The following TSPEAR variants were observed in gnomAD, a reference collection of about 807,000 sequenced individuals.
TSPEAR encodes thrombospondin type laminin G domain and EAR repeats, also known as thrombospondin-type laminin G domain and EAR repeat-containing protein.
Under a neutral mutation model 71.6 loss-of-function variants are expected in TSPEAR, and 69 were observed. The observed-to-expected ratio is 0.96, with a 90% CI of 0.79 to 1.18. TSPEAR has a LOEUF of 1.18. Among genes scored for constraint, TSPEAR ranks in the 50% most tolerant of loss-of-function variants. TSPEAR has a pLI of 0.00. For missense variants in TSPEAR, 971 were observed against 894.9 expected, an observed-to-expected ratio of 1.09 and a Z score of -1.09; for synonymous variants, 402 against 387.2, an observed-to-expected ratio of 1.04 and a Z score of -0.45.
intron 1 of TSPEAR, among the ~76,000 whole-genome samples, chr21:44,597,432 C>CTTT (rs370569621): frequency 1.1e-3 from 138 of 130,608 alleles, no homozygotes; most frequent in African/African-American, 4.3e-3. Context: ...TTCTTTCTTT[C>CTTT]TTTTCTTTTT....
intron 9 of TSPEAR, among the ~76,000 whole-genome samples, chr21:44,512,210 C>T (rs587751490): frequency 4.6e-5 from 7 of 152,282 alleles, no homozygotes; most frequent in African/African-American, 1.7e-4. Flanking sequence ...AGCTGGGCCT[C>T]CAGGCAAAGG....
At chr21:44,662,807 AG>A (rs1985565000) in intron 1 of TSPEAR, among the ~76,000 whole-genome samples, 1 of 152,326 alleles carries the variant, frequency 6.6e-6, no homozygotes, top group East Asian at 1.9e-4. Context: ...TAACACCAAA[AG>A]GATAGCGAGA....
At chr21:44,648,666 G>A (rs1052707381) in intron 1 of TSPEAR, among the ~76,000 whole-genome samples, 10 of 152,218 alleles carry the variant, frequency 6.6e-5, no homozygotes, top group Admixed American at 4.6e-4. Flanking sequence ...AGGCCAAGCC[G>A]CTGTGCAGCC....
Position 44,623,379 on chromosome 21 carries a change from T to G in TSPEAR, c.83-55374A>C, listed in dbSNP as rs1371655785. Among the ~76,000 whole-genome samples, 1 of 152,228 alleles carries G rather than the reference T, an allele frequency of 6.6e-6. No homozygotes were observed. The highest frequency in any genetic ancestry group is 1.5e-5 in the Non-Finnish European group (1 of 68,036). On this transcript the variant is annotated intron_variant, in intron 1 of 11. Coordinates refer to ENST00000323084, the MANE Select transcript of TSPEAR (RefSeq NM_144991.3). This position sits in a 1 kb window ranked among gnomAD's most constrained non-coding sequence, Gnocchi z 4.5. ...CCCAGATAGTATAGTGTACTAAGAC[T>G]GCTTTAACTTCATGTAGCCCCCTCC...
intron 1 of TSPEAR, among the ~76,000 whole-genome samples, chr21:44,577,495 G>C (rs1343651641): frequency 1.3e-5 from 2 of 152,218 alleles, no homozygotes; most frequent in African/African-American, 4.8e-5. Flanking sequence ...GGGAGCAAGA[G>C]AGACAGAGAG....
intron 1 of TSPEAR, among the ~76,000 whole-genome samples, chr21:44,571,047 A>G (rs1175066347): frequency 6.6e-6 from 1 of 152,204 alleles, no homozygotes; most frequent in African/African-American, 2.4e-5. Flanking sequence ...AAGAAGAAAA[A>G]ATGTCAATTC....
chr21:44,539,204 T>C (rs755071118), intron 2 of TSPEAR: 2 of 1,529,890 alleles, frequency 1.3e-6, no homozygotes, highest in Middle Eastern at 2.3e-4. Context: ...GGACCCGTCC[T>C]AGGTGGGGGA....
intron 2 of TSPEAR, among the ~76,000 whole-genome samples, chr21:44,541,712 C>T (rs1034318265): frequency 2.3e-4 from 35 of 152,330 alleles, no homozygotes; most frequent in African/African-American, 7.9e-4. Context: ...ACACCCTAGG[C>T]TTTCAGTTGG....
In TSPEAR at chr21:44,546,181, G is replaced by T. The variant is rs1200137774; in HGVS notation, c.304-12258C>A. Among the ~76,000 whole-genome samples, 1 of 152,142 alleles carries T rather than the reference G, an allele frequency of 6.6e-6. No individual in the cohort carries two copies. Among genetic ancestry groups the T allele is most frequent in the Non-Finnish European group, 1.5e-5 (1 of 68,014 alleles). On this transcript the variant is annotated intron_variant, in intron 2 of 11. Transcript: ENST00000323084. The surrounding 1 kb of genome is among the most constrained non-coding windows in gnomAD (Gnocchi z 4.4). ...ACAAATTAGATAACTAATATGTAAT[G>T]GAAGAATTCTTATAAACACACAAAC...
chr21:44,526,009 G>A (rs1252429717), intron 7 of TSPEAR, 170 bp from the exon 8 acceptor site: 8 of 604,724 alleles, frequency 1.3e-5, no homozygotes, highest in Admixed American at 2.9e-5. Context: ...TGGGGTGGGC[G>A]CAGAGCCGGT....
chr21:44,613,358 C>T (rs587767789), intron 1 of TSPEAR, among the ~76,000 whole-genome samples: 13 of 152,326 alleles, frequency 8.5e-5, no homozygotes, highest in Admixed American at 2.6e-4. Context: ...GTGGGACTCA[C>T]GGTCACTCCC....
intron 1 of TSPEAR, among the ~76,000 whole-genome samples, chr21:44,690,273 C>T (rs143937349): frequency 2.0e-5 from 3 of 152,292 alleles, no homozygotes; most frequent in Non-Finnish European, 2.9e-5. Context: ...GAATGATGAG[C>T]GGATGCACAA....
At chr21:44,580,651 G>A (rs1425022196) in intron 1 of TSPEAR, 1 of 1,473,640 alleles carries the variant, frequency 6.8e-7, no homozygotes, top group South Asian at 1.3e-5. Flanking sequence ...GAGTGAAGGA[G>A]GGAGTGAGTG....
Position 44,637,260 on chromosome 21 carries a change from A to G in TSPEAR, c.83-69255T>C, listed in dbSNP as rs1983637744. The G allele has an allele frequency of 1.5e-5, 15 of 1,016,678 alleles. No individual in the cohort carries two copies. The South Asian group carries it at 2.2e-4, about 15-fold the overall frequency. 63.0% of individuals were successfully genotyped at this position (1,016,678 alleles called of 1,614,324 possible). On this transcript the variant is annotated intron_variant, in intron 1 of 11. Transcript: ENST00000323084. ...AATGAGGGTCCTCCCGGCTCCAAAC[A>G]CCAACACGGAAGGGGAGGGCATTGC...
intron 1 of TSPEAR, among the ~76,000 whole-genome samples, chr21:44,572,752 T>C (rs1978288406): frequency 6.6e-6 from 1 of 151,594 alleles, no homozygotes. Context: ...AGGGTCTTTG[T>C]AGGTGATCAA....
chr21:44,507,877 A>G (rs587758459), intron 10 of TSPEAR, among the ~76,000 whole-genome samples: 26 of 151,640 alleles, frequency 1.7e-4, no homozygotes, highest in Admixed American at 3.3e-4. Flanking sequence ...CAGGCCACGC[A>G]GGGGCCACGG....
Position 44,550,843 on chromosome 21 carries a change from A to T in TSPEAR, c.304-16920T>A, listed in dbSNP as rs1483180452. ...CTAGACTGCTGGCAGCACGGAGAGG[A>T]AGCCCCAGAGCAAACAGGTACACAG... On this transcript the variant is annotated intron_variant, in intron 2 of 11. Coordinates refer to ENST00000323084, the MANE Select transcript of TSPEAR (RefSeq NM_144991.3). The T allele has an allele frequency of 1.3e-6, 2 of 1,528,660 alleles. No homozygotes were observed. Among genetic ancestry groups the T allele is most frequent in the Non-Finnish European group, 1.8e-6 (2 of 1,127,560 alleles). 94.7% of individuals were successfully genotyped at this position (1,528,660 alleles called of 1,614,324 possible).
chr21:44,523,610 CATCAGTCAGGTAGTTA>C (rs2052782807), intron 8 of TSPEAR, among the ~76,000 whole-genome samples: 3 of 151,430 alleles, frequency 2.0e-5, no homozygotes, highest in Non-Finnish European at 2.9e-5. Context: ...GGTAGTCAGT[CATCAGTCAGGTAGTTA>C]ATCAGTCAGG....
intron 9 of TSPEAR, among the ~76,000 whole-genome samples, chr21:44,515,187 A>G (rs931822348): frequency 6.6e-6 from 1 of 152,260 alleles, no homozygotes; most frequent in Non-Finnish European, 1.5e-5. Flanking sequence ...TAGGACCTAA[A>G]AGGATTTCAA....
Sources: gnomAD v4.1 joint callset for allele counts (sites outside exome capture counted in the v4.1 genomes callset) on GRCh38, gnomAD v4.1.1 for gene constraint, Gnocchi (gnomAD v3.1) non-coding constraint, MANE v1.5 for transcripts, NCBI Gene and HGNC (gene_info 2026-07-23, HGNC 2026-07-21) for gene names.